The following CNTN4 variants were observed in gnomAD, a reference collection of about 807,000 sequenced individuals.
CNTN4 encodes contactin-4.
CNTN4 carries 77 observed loss-of-function variants against 122.5 expected under a neutral mutation model. That is an observed-to-expected ratio of 0.63 (90% CI 0.52 to 0.76). CNTN4 has a LOEUF of 0.76. Ranked by LOEUF, CNTN4 falls within the 30% of genes least tolerant of loss-of-function variation. The probability of loss-of-function intolerance (pLI) is 0.00; values close to 1 mark genes in which losing one functional copy is unlikely to be tolerated. For synonymous variants in CNTN4, 512 were observed against 447.0 expected, an observed-to-expected ratio of 1.15 and a Z score of -1.83; for missense variants, 1,256 against 1,259.1, an observed-to-expected ratio of 1.00 and a Z score of 0.04.
chr3:2,705,101 C>G (rs2086578158), intron 4 of CNTN4, among the ~76,000 whole-genome samples: 1 of 151,516 alleles, frequency 6.6e-6, no homozygotes, highest in African/African-American at 2.4e-5. Flanking sequence ...GTACAGAGAG[C>G]TGCATAAGAA....
At chr3:2,383,659 C>A (rs1476306587) in intron 3 of CNTN4, among the ~76,000 whole-genome samples, 1 of 150,310 alleles carries the variant, frequency 6.7e-6, no homozygotes, top group East Asian at 2.0e-4. Context: ...CTCTCTTCCC[C>A]CATTTCCCTT....
At chr3:2,866,002 A>G (rs112016256) in intron 7 of CNTN4, among the ~76,000 whole-genome samples, 212 of 152,226 alleles carry the variant, frequency 1.4e-3, no homozygotes, top group African/African-American at 5.0e-3. Context: ...ATATGGATGT[A>G]TATTTGTGGA....
intron 3 of CNTN4, among the ~76,000 whole-genome samples, chr3:2,481,915 T>A (rs985588074): frequency 6.6e-6 from 1 of 152,200 alleles, no homozygotes; most frequent in East Asian, 1.9e-4. Context: ...CCCTGCCATG[T>A]GGAACTGTGA....
chr3:2,740,822 A>T (rs1191149470), intron 5 of CNTN4, among the ~76,000 whole-genome samples: 1 of 152,212 alleles, frequency 6.6e-6, no homozygotes, highest in Non-Finnish European at 1.5e-5. Context: ...ATTCAAGTTA[A>T]AGGACGGCAG....
intron 14 of CNTN4, among the ~76,000 whole-genome samples, chr3:3,011,375 C>G (rs1168993910): frequency 1.3e-5 from 2 of 152,152 alleles, no homozygotes; most frequent in Non-Finnish European, 2.9e-5. Flanking sequence ...AGCTCAGGGT[C>G]ATATTGTCCT....
chr3:2,138,275 C>T (rs1034276276), intron 2 of CNTN4, among the ~76,000 whole-genome samples: 6 of 152,012 alleles, frequency 3.9e-5, no homozygotes, highest in Non-Finnish European at 5.9e-5. Flanking sequence ...ACCATGTTGG[C>T]CAGGCTGGTC....
At chr3:2,171,089 A>T (rs553211617) in intron 2 of CNTN4, among the ~76,000 whole-genome samples, 1 of 152,312 alleles carries the variant, frequency 6.6e-6, no homozygotes, top group South Asian at 2.1e-4. Context: ...TTCTTTAAAA[A>T]ACTAAATTCT....
intron 14 of CNTN4, among the ~76,000 whole-genome samples, chr3:3,006,694 G>T (rs1396785196): frequency 6.6e-6 from 1 of 152,194 alleles, no homozygotes; most frequent in Non-Finnish European, 1.5e-5. Context: ...GGGGCATAGT[G>T]AAAGGGACAT....
At chr3:2,443,263 ATAAT>A (rs1274728504) in intron 3 of CNTN4, among the ~76,000 whole-genome samples, 1 of 152,156 alleles carries the variant, frequency 6.6e-6, no homozygotes, top group African/African-American at 2.4e-5. Flanking sequence ...TCCTTTCAAC[ATAAT>A]TGATGAGTTG....
At chr3:2,274,364 CAGAG>C (rs973729675) in intron 2 of CNTN4, among the ~76,000 whole-genome samples, 6 of 147,702 alleles carry the variant, frequency 4.1e-5, no homozygotes, top group South Asian at 2.3e-4. Flanking sequence ...GCCTGGACGA[CAGAG>C]AGAGACTCCA....
At chr3:3,043,509 C>G (rs1301181653) in intron 22 of CNTN4, 83 bp from the exon 23 acceptor site, 20 of 1,094,592 alleles carry the variant, frequency 1.8e-5, no homozygotes, top group African/African-American at 3.1e-5. Flanking sequence ...TGCCTCCACT[C>G]TCGAATTCTA....
At chr3:2,629,411 A>T (rs925351148) in intron 4 of CNTN4, 12 of 343,220 alleles carry the variant, frequency 3.5e-5, no homozygotes, top group Non-Finnish European at 5.8e-5. Context: ...ATCTAATTTT[A>T]AAAAAATACT....
chr3:2,340,778 C>A (rs1329372467), intron 3 of CNTN4, among the ~76,000 whole-genome samples: 1 of 139,644 alleles, frequency 7.2e-6, no homozygotes, highest in Non-Finnish European at 1.5e-5. Context: ...AGGTATTTTT[C>A]ATGAGCTAAG....
chr3:2,427,539 G>T (rs566791498), intron 3 of CNTN4, among the ~76,000 whole-genome samples: 18 of 152,314 alleles, frequency 1.2e-4, no homozygotes, highest in Admixed American at 6.5e-4. Context: ...TGAGAAGAAT[G>T]TATATTCTGT....
intron 2 of CNTN4, among the ~76,000 whole-genome samples, chr3:2,287,673 GAA>G (rs1559415508): frequency 1.1e-4 from 8 of 73,412 alleles, no homozygotes; most frequent in Non-Finnish European, 1.8e-4. Context: ...AGAAGAAGAA[GAA>G]GAAGAAGAAG....
intron 5 of CNTN4, among the ~76,000 whole-genome samples, chr3:2,740,689 A>G (rs1307057502): frequency 6.6e-6 from 1 of 152,136 alleles, no homozygotes; most frequent in Non-Finnish European, 1.5e-5. Flanking sequence ...AATATTATGT[A>G]AAAAACAAAT....
At chr3:2,563,948 C>A (rs1198725740) in intron 3 of CNTN4, among the ~76,000 whole-genome samples, 1 of 151,874 alleles carries the variant, frequency 6.6e-6, no homozygotes. Flanking sequence ...AGTATACTCT[C>A]AAGCTCAGCT....
In CNTN4 at chr3:2,283,850, G is replaced by T. The variant is rs527400454; in HGVS notation, c.-144-55328G>T. ...ACTTCTGCATTTCTCTTCAAGGGAG[G>T]CCATTAAACCCTGTTTTTATTTCTA... On this transcript the variant is annotated intron_variant, in intron 2 of 24. Transcript: ENST00000418658. 3.3e-5 allele frequency among the ~76,000 whole-genome samples: 5 copies of T among 152,158 alleles called. No individual in the cohort carries two copies. The South Asian group carries it at 8.3e-4, about 25-fold the overall frequency.
chr3:2,825,890 G>T lies in CNTN4; in HGVS notation c.454+6309G>T, dbSNP rs192664315. Among the ~76,000 whole-genome samples, 518 of 152,222 alleles carry T rather than the reference G, an allele frequency of 3.4e-3. 3 individuals are homozygous for T. The highest frequency in any genetic ancestry group is 0.012 in the African/African-American group (488 of 41,514). On this transcript the variant is annotated intron_variant, in intron 7 of 24. Coordinates refer to ENST00000418658, the MANE Select transcript of CNTN4 (RefSeq NM_175607.3). ...CATCTTTAGATTTTTCTTTTACACA[G>T]AACACATCCCCACTAGAGTTGGATC...
Sources: gnomAD v4.1 joint callset for allele counts (sites outside exome capture counted in the v4.1 genomes callset) on GRCh38, gnomAD v4.1.1 for gene constraint, MANE v1.5 for transcripts, NCBI Gene and HGNC (gene_info 2026-07-23, HGNC 2026-07-21) for gene names.